TXNDC9: variants seen among roughly 807,000 people sequenced by gnomAD.
The protein encoded by TXNDC9 is thioredoxin domain-containing protein 9.
Under a neutral mutation model 23.0 loss-of-function variants are expected in TXNDC9, and 7 were observed. That is an observed-to-expected ratio of 0.30 (90% CI 0.17 to 0.57). The LOEUF (loss-of-function observed/expected upper bound fraction) is 0.57, where lower values mean the gene tolerates loss of function less well. Ranked by LOEUF, TXNDC9 falls within the 20% of genes least tolerant of loss-of-function variation. The probability of loss-of-function intolerance (pLI) is 0.90; values close to 1 mark genes in which losing one functional copy is unlikely to be tolerated. For synonymous variants in TXNDC9, 72 were observed against 90.6 expected, an observed-to-expected ratio of 0.79 and a Z score of 1.17; for missense variants, 198 against 252.6, an observed-to-expected ratio of 0.78 and a Z score of 1.47.
At chr2:99,310,664 G>A in the TXNDC9 span, among the ~76,000 whole-genome samples, 1 of 152,162 alleles carries the variant, frequency 6.6e-6, no homozygotes, top group Non-Finnish European at 1.5e-5. Context: ...GCCCTTAAAT[G>A]TGGAAGATGG....
the TXNDC9 span, among the ~76,000 whole-genome samples, chr2:99,313,128 C>T: frequency 6.6e-6 from 1 of 152,118 alleles, no homozygotes; most frequent in African/African-American, 2.4e-5. Flanking sequence ...CACCATTGCA[C>T]TCCAGCCTGG....
Position 99,333,040 on chromosome 2 carries a change from T to A in TXNDC9, c.171A>T (p.Lys57Asn). 1.9e-6 allele frequency: 3 copies of A among 1,614,080 alleles called. No homozygotes were observed. Among genetic ancestry groups the A allele is most frequent in the Non-Finnish European group, 2.5e-6 (3 of 1,179,996 alleles). ...AGGTTACTTGTTTCTGCTGTTGAGC[T>A]TTCCTTAGTGCCTGGAGTCTCTTTT... ...LKEKRLQALR[K>N]AQQQKQEWLS... Residue 57 changes from lysine to asparagine, a missense_variant, in exon 2 of 5, where the codon AAA (lysine) becomes AAT (asparagine). Coordinates refer to ENST00000264255, the MANE Select transcript of TXNDC9 (RefSeq NM_005783.4).
chr2:99,334,089 G>A (rs894870051), intron 1 of TXNDC9, among the ~76,000 whole-genome samples: 3 of 152,168 alleles, frequency 2.0e-5, no homozygotes, highest in African/African-American at 4.8e-5. Context: ...TATGGCTCAC[G>A]CCTGTAATCC....
chr2:99,322,059 T>C lies in TXNDC9; in HGVS notation c.459A>G (p.Lys153=), dbSNP rs373803948. The change falls in exon 4 of 5, where the codon AAA becomes AAG. Residue 153 remains lysine (K), a synonymous_variant. Coordinates refer to ENST00000264255, the MANE Select transcript of TXNDC9 (RefSeq NM_005783.4). Reference sequence around the variant, plus strand: ...TAAACCCAACAACATAATCTTGTGTTTTCCCATCTTTTAGCAGTGCTAGTG... The same window carrying C: ...TAAACCCAACAACATAATCTTGTGTCTTCCCATCTTTTAGCAGTGCTAGTG... ...IPTLALLKDG[K]TQDYVVGFTD... 36 of 1,614,174 alleles carry C rather than the reference T, an allele frequency of 2.2e-5. No individual in the cohort carries two copies. The highest frequency in any genetic ancestry group is 5.0e-5 in the Admixed American group (3 of 60,022).
chr2:99,316,384 G>A (rs1251053937), downstream of TXNDC9, among the ~76,000 whole-genome samples: 1 of 152,014 alleles, frequency 6.6e-6, no homozygotes, highest in East Asian at 1.9e-4. Context: ...TATTGCCCAG[G>A]CTGGTTTTGA....
chr2:99,326,779 A>G (rs1354180301), intron 3 of TXNDC9, among the ~76,000 whole-genome samples: 1 of 152,218 alleles, frequency 6.6e-6, no homozygotes, highest in Non-Finnish European at 1.5e-5. Flanking sequence ...CCAAGCCACC[A>G]TCTCCCCACC....
chr2:99,316,885 T>A (rs1257942987), downstream of TXNDC9, among the ~76,000 whole-genome samples: 1 of 152,090 alleles, frequency 6.6e-6, no homozygotes, highest in African/African-American at 2.4e-5. Flanking sequence ...GCCTCCCCAG[T>A]AGGTGGGACT....
downstream of TXNDC9, among the ~76,000 whole-genome samples, chr2:99,314,548 T>TTTTTTA (rs2094184242): frequency 1.4e-5 from 2 of 147,030 alleles, no homozygotes; most frequent in African/African-American, 2.5e-5. Context: ...TTTTTTTTTT[T>TTTTTTA]GAGACAGAGT....
rs141885483 is a variant in TXNDC9 at position 99,327,321 on chromosome 2, C to G, written c.308+214G>C. Among the ~76,000 whole-genome samples, 102 of 152,298 alleles carry G rather than the reference C, an allele frequency of 6.7e-4. No individual in the cohort carries two copies. In the East Asian group the frequency reaches 0.016, roughly 24 times the overall value. ...TCCTGACCTCAAGTGATCCACCCCC[C>G]ACTTGGCCTCCCAAAGTGCTGAGAT... On this transcript the variant is annotated intron_variant, in intron 3 of 4. Transcript: ENST00000264255.
intron 2 of TXNDC9, among the ~76,000 whole-genome samples, chr2:99,330,408 G>A (rs1414186695): frequency 6.7e-6 from 1 of 150,044 alleles, no homozygotes; most frequent in Non-Finnish European, 1.5e-5. Flanking sequence ...GAGGGAGGAT[G>A]TGCCCATTCC....
At chr2:99,330,290 CAAAAAAA>C (rs528602849) in intron 2 of TXNDC9, among the ~76,000 whole-genome samples, 1,388 of 28,074 alleles carry the variant, frequency 0.049, 16 homozygotes, top group African/African-American at 0.11. Context: ...ACTCTTATCT[CAAAAAAA>C]AAAAAAAAAA....
chr2:99,324,808 C>T (rs1210128407), intron 3 of TXNDC9, among the ~76,000 whole-genome samples: 18 of 152,182 alleles, frequency 1.2e-4, no homozygotes, highest in Admixed American at 2.6e-4. Flanking sequence ...TGCAGTGGCA[C>T]GATCTCAGCT....
the TXNDC9 span, among the ~76,000 whole-genome samples, chr2:99,310,259 C>G: frequency 6.6e-6 from 1 of 152,208 alleles, no homozygotes; most frequent in Non-Finnish European, 1.5e-5. Flanking sequence ...TATATGATCT[C>G]TTTGGAGCAG....
the TXNDC9 span, among the ~76,000 whole-genome samples, chr2:99,307,016 T>TCCC: frequency 0.01 from 858 of 82,236 alleles, 6 homozygotes; most frequent in East Asian, 0.037. Flanking sequence ...CCTCCCTCCC[T>TCCC]TCCTTCCTTC....
At chr2:99,333,565 T>C (rs1290834183) in intron 1 of TXNDC9, among the ~76,000 whole-genome samples, 5 of 152,184 alleles carry the variant, frequency 3.3e-5, no homozygotes, top group African/African-American at 1.2e-4. Flanking sequence ...AAGTTATACC[T>C]AGTGATATAT....
At position 99,333,196 on chromosome 2, in the gene TXNDC9, T is replaced by C; in HGVS notation, c.15A>G (p.Ala5=). Residue 5 remains alanine, a synonymous_variant, in exon 2 of 5, where the codon GCA becomes GCG. Transcript: ENST00000264255. The part of the protein sequence containing the change: MEAD[A]SVDMFSKVLE... The stretch of plus-strand genomic sequence containing the variant: ...GGACTTTGGAAAACATGTCAACAGA[T>C]GCATCAGCTTCCATTCTTCCAAATG... 3 of 1,614,022 alleles carry C rather than the reference T, an allele frequency of 1.9e-6. No individual in the cohort carries two copies. The highest frequency in any genetic ancestry group is 2.2e-5 in the South Asian group (2 of 91,050).
chr2:99,317,303 T>C (rs1394368214), downstream of TXNDC9, among the ~76,000 whole-genome samples: 1 of 152,222 alleles, frequency 6.6e-6, no homozygotes, highest in Admixed American at 6.5e-5. Context: ...GAGGACTGGA[T>C]ATTTTAGACA....
chr2:99,308,974 T>C, the TXNDC9 span, among the ~76,000 whole-genome samples: 1 of 151,918 alleles, frequency 6.6e-6, no homozygotes, highest in Admixed American at 6.6e-5. Context: ...AGTGCTGGGA[T>C]TACAGGCGTA....
chr2:99,332,135 A>G (rs2094227232), intron 2 of TXNDC9, among the ~76,000 whole-genome samples: 1 of 152,248 alleles, frequency 6.6e-6, no homozygotes, highest in Non-Finnish European at 1.5e-5. Context: ...CCCAGTGGAA[A>G]AAATGTTTTA....
Sources: gnomAD v4.1 joint callset for allele counts (sites outside exome capture counted in the v4.1 genomes callset) on GRCh38, gnomAD v4.1.1 for gene constraint, MANE v1.5 for transcripts, NCBI Gene and HGNC (gene_info 2026-07-23, HGNC 2026-07-21) for gene names.